Variants in HEATR4 observed in about 807,000 individuals in gnomAD.
HEATR4 encodes the protein HEAT repeat-containing protein 4.
In HEATR4, 95 loss-of-function variants were observed where a neutral mutation model predicts 108.8. The observed-to-expected ratio is 0.87, with a 90% CI of 0.74 to 1.04. The LOEUF (loss-of-function observed/expected upper bound fraction) is 1.04. Among genes scored for constraint, HEATR4 ranks in the 50% least tolerant of loss-of-function variants. HEATR4 has a pLI of 0.00. For synonymous variants in HEATR4, 443 were observed against 459.4 expected, an observed-to-expected ratio of 0.96 and a Z score of 0.46; for missense variants, 1,152 against 1,253.8, an observed-to-expected ratio of 0.92 and a Z score of 1.23.
the HEATR4 span, among the ~76,000 whole-genome samples, chr14:73,586,459 C>T: frequency 6.6e-6 from 1 of 151,798 alleles, no homozygotes; most frequent in Non-Finnish European, 1.5e-5. Context: ...AATCCCAGCA[C>T]TTTGGGAGGC....
intron 2 of HEATR4, among the ~76,000 whole-genome samples, chr14:73,528,595 G>A (rs922312177): frequency 2.0e-5 from 3 of 152,024 alleles, no homozygotes; most frequent in African/African-American, 7.2e-5. Context: ...GCCAAATTGT[G>A]CACTTCCCAG....
chr14:73,584,184 G>T, the HEATR4 span, among the ~76,000 whole-genome samples: 18 of 151,830 alleles, frequency 1.2e-4, no homozygotes, highest in African/African-American at 4.4e-4. Flanking sequence ...TCATGAGAAA[G>T]AGGCGAGCCT....
the HEATR4 span, among the ~76,000 whole-genome samples, chr14:73,622,691 G>A: frequency 1.3e-5 from 2 of 152,068 alleles, no homozygotes; most frequent in East Asian, 3.9e-4. Flanking sequence ...GAGCCACCGC[G>A]CCTGGCTTGA....
chr14:73,491,875 G>C (rs1047767318), intron 17 of HEATR4: 6 of 1,611,358 alleles, frequency 3.7e-6, no homozygotes, highest in Non-Finnish European at 4.2e-6. Flanking sequence ...CCGCCGCCGC[G>C]TGGTCCCTGT....
At chr14:73,591,469 C>G in the HEATR4 span, among the ~76,000 whole-genome samples, 16 of 152,116 alleles carry the variant, frequency 1.1e-4, no homozygotes, top group East Asian at 3.1e-3. Context: ...TCGCTTGAAC[C>G]CAGGAGGCGG....
the HEATR4 span, chr14:73,612,505 G>T: frequency 1.3e-5 from 14 of 1,097,834 alleles, no homozygotes; most frequent in Middle Eastern, 6.4e-4. Context: ...TCCAGCGCTC[G>T]GCAAAGCCGC....
the HEATR4 span, chr14:73,619,088 C>T: frequency 9.7e-6 from 10 of 1,028,594 alleles, no homozygotes; most frequent in African/African-American, 8.2e-5. Context: ...CAAGATTGCA[C>T]CACTGCACTC....
upstream of HEATR4, among the ~76,000 whole-genome samples, chr14:73,559,218 G>T (rs1221659842): frequency 6.6e-6 from 1 of 151,522 alleles, no homozygotes; most frequent in East Asian, 2.0e-4. Context: ...ACTGCAACCT[G>T]TGCCTCCCAG....
intron 17 of HEATR4, chr14:73,490,979 C>T (rs1885671840): frequency 2.3e-6 from 3 of 1,321,284 alleles, no homozygotes; most frequent in Non-Finnish European, 2.9e-6. Context: ...TAGCTTCGCC[C>T]CCGGCCGGCC....
chr14:73,509,867 T>C (rs1887122911), intron 7 of HEATR4, among the ~76,000 whole-genome samples: 1 of 81,000 alleles, frequency 1.2e-5, no homozygotes, highest in South Asian at 3.1e-4. Context: ...TATATATATA[T>C]ATTTATTTAT....
intron 2 of HEATR4, among the ~76,000 whole-genome samples, chr14:73,526,243 A>G (rs1595140440): frequency 1.3e-5 from 2 of 152,136 alleles, no homozygotes; most frequent in African/African-American, 4.8e-5. Flanking sequence ...ACACATTTAG[A>G]TCAGCTCTGG....
intron 17 of HEATR4, among the ~76,000 whole-genome samples, chr14:73,485,479 T>C (rs983180615): frequency 2.0e-5 from 3 of 150,158 alleles, no homozygotes; most frequent in South Asian, 2.2e-4. Flanking sequence ...CTCAGCTCAC[T>C]GCAACCTCTG....
At chr14:73,631,293 T>TA in the HEATR4 span, among the ~76,000 whole-genome samples, 229 of 152,232 alleles carry the variant, frequency 1.5e-3, 1 homozygote, top group African/African-American at 4.7e-3. Context: ...ATTTTTTTTT[T>TA]AATTTTTAGA....
chr14:73,583,035 AACTC>A, the HEATR4 span: 2 of 152,120 alleles, frequency 1.3e-5, no homozygotes, highest in Admixed American at 6.6e-5. Flanking sequence ...ACCCCACAGG[AACTC>A]ACTCACTAAA....
chr14:73,633,647 A>AGGCC, the HEATR4 span: 2 of 152,244 alleles, frequency 1.3e-5, no homozygotes, highest in Non-Finnish European at 2.9e-5. Flanking sequence ...AGGCGGCCAG[A>AGGCC]GGCCGGCACT....
chr14:73,523,330 T>TG, intron 2 of HEATR4, 106 bp from the exon 3 acceptor site: 1 of 593,992 alleles, frequency 1.7e-6, no homozygotes, highest in Admixed American at 3.1e-5. Context: ...GGAAAGGGGG[T>TG]GGGGAAGAGC....
chr14:73,512,879 A>C (rs551509990), intron 6 of HEATR4, among the ~76,000 whole-genome samples: 17 of 152,156 alleles, frequency 1.1e-4, no homozygotes, highest in African/African-American at 3.9e-4. Context: ...TTTTTCCTGC[A>C]CTAACTAAGC....
At chr14:73,559,374 C>A (rs138446660), upstream of HEATR4, among the ~76,000 whole-genome samples, 39 of 151,890 alleles carry the variant, frequency 2.6e-4, no homozygotes, top group African/African-American at 9.2e-4. Flanking sequence ...CCGCCTTGGC[C>A]TCCCAAAGTG....
the HEATR4 span, among the ~76,000 whole-genome samples, chr14:73,588,186 G>A: frequency 6.6e-6 from 1 of 152,032 alleles, no homozygotes; most frequent in Non-Finnish European, 1.5e-5. Flanking sequence ...TCTTAGTACA[G>A]ACAGGGTTTC....
Sources: allele counts gnomAD v4.1 joint callset (sites outside exome capture counted in the v4.1 genomes callset), GRCh38; gene constraint gnomAD v4.1.1; transcripts MANE v1.5; gene names NCBI Gene and HGNC (gene_info 2026-07-23, HGNC 2026-07-21).